The following EVL variants were observed in gnomAD, a reference collection of about 807,000 sequenced individuals.
EVL encodes the protein ena/VASP-like protein.
In EVL, 21 loss-of-function variants were observed where a neutral mutation model predicts 59.6. The ratio of observed to expected loss-of-function variants is 0.35; its 90% confidence interval spans 0.25 to 0.51. The LOEUF (loss-of-function observed/expected upper bound fraction) is 0.51. Ranked by LOEUF, EVL falls within the 20% of genes least tolerant of loss-of-function variation. The probability of loss-of-function intolerance (pLI) is 0.97; values close to 1 mark genes in which losing one functional copy is unlikely to be tolerated. For missense variants in EVL, 462 were observed against 546.6 expected, an observed-to-expected ratio of 0.85 and a Z score of 1.54; for synonymous variants, 198 against 203.5, an observed-to-expected ratio of 0.97 and a Z score of 0.23.
intron 3 of EVL, chr14:100,107,747 GTGTGGTCAAAGGCAAGTT>G (rs900433089): frequency 1.3e-5 from 2 of 155,008 alleles, no homozygotes; most frequent in African/African-American, 4.8e-5. Context: ...ACAGAAGCAT[GTGTGGTCAAAGGCAAGTT>G]TATTTGCAGT....
intron 1 of EVL, among the ~76,000 whole-genome samples, chr14:100,038,250 AGTT>A (rs1363395673): frequency 6.6e-6 from 1 of 152,238 alleles, no homozygotes; most frequent in Non-Finnish European, 1.5e-5. Context: ...AATCTGAAGA[AGTT>A]GTGGCAAGTG....
chr14:100,044,118 G>A (rs1027198534), intron 1 of EVL, among the ~76,000 whole-genome samples: 6 of 152,030 alleles, frequency 3.9e-5, no homozygotes, highest in South Asian at 2.1e-4. Context: ...TCCTTAATCC[G>A]GTCAAGTTGA....
chr14:100,096,501 C>T (rs1885820847), intron 2 of EVL, among the ~76,000 whole-genome samples: 1 of 152,154 alleles, frequency 6.6e-6, no homozygotes, highest in South Asian at 2.1e-4. Flanking sequence ...TCACAACACA[C>T]TGTGAGGGTG....
chr14:100,043,293 ATG>A (rs577559402), intron 1 of EVL, among the ~76,000 whole-genome samples: 109 of 144,476 alleles, frequency 7.5e-4, no homozygotes, highest in Middle Eastern at 3.5e-3. Flanking sequence ...GTGTATATAT[ATG>A]TGTGTGTGTG....
intron 1 of EVL, among the ~76,000 whole-genome samples, chr14:100,074,217 G>A (rs562320566): frequency 1.5e-4 from 23 of 152,328 alleles, no homozygotes; most frequent in African/African-American, 5.3e-4. Flanking sequence ...AGGCCACAGT[G>A]AGGAACCTGC....
chr14:100,088,598 C>T (rs111958443), intron 2 of EVL, among the ~76,000 whole-genome samples: 5,968 of 152,188 alleles, frequency 0.039, 131 homozygotes, highest in African/African-American at 0.044. Context: ...TATAAATATA[C>T]GTGAGCATAG....
intron 1 of EVL, among the ~76,000 whole-genome samples, chr14:99,985,294 A>AG (rs2060832937): frequency 6.6e-6 from 1 of 151,788 alleles, no homozygotes; most frequent in Non-Finnish European, 1.5e-5. Context: ...CATAATTTTT[A>AG]TTTATTATTA....
chr14:100,117,628 A>G (rs536671585), intron 3 of EVL, among the ~76,000 whole-genome samples: 1 of 152,216 alleles, frequency 6.6e-6, no homozygotes, highest in Non-Finnish European at 1.5e-5. Flanking sequence ...AGCTCACAGC[A>G]GGATTCCTAG....
At chr14:100,076,119 G>A (rs756143498) in intron 1 of EVL, among the ~76,000 whole-genome samples, 2 of 152,232 alleles carry the variant, frequency 1.3e-5, no homozygotes, top group African/African-American at 2.4e-5. Context: ...TTGGGCAGGA[G>A]AAATATCTCT....
chr14:100,133,258 C>A (rs1209081219), intron 8 of EVL, among the ~76,000 whole-genome samples: 3 of 152,222 alleles, frequency 2.0e-5, no homozygotes, highest in Non-Finnish European at 4.4e-5. Flanking sequence ...TGGCTCTTGT[C>A]CTTACCAGGC....
At chr14:99,995,951 G>T (rs1476010551) in intron 1 of EVL, among the ~76,000 whole-genome samples, 1 of 152,088 alleles carries the variant, frequency 6.6e-6, no homozygotes, top group African/African-American at 2.4e-5. Flanking sequence ...TCTGTCAGTG[G>T]TACTGCACAC....
intron 1 of EVL, among the ~76,000 whole-genome samples, chr14:100,073,766 C>T (rs1394993819): frequency 6.6e-6 from 1 of 152,178 alleles, no homozygotes; most frequent in Non-Finnish European, 1.5e-5. Context: ...ACATAAAAGC[C>T]AGCAGTTATT....
chr14:100,043,147 C>T lies in EVL; in HGVS notation c.6-41540C>T, dbSNP rs142362520. Among the ~76,000 whole-genome samples, 131 of 152,140 alleles carry T rather than the reference C, an allele frequency of 8.6e-4. No homozygotes were observed. The Middle Eastern group carries it at 0.01, about 12-fold the overall frequency. On this transcript the variant is annotated intron_variant, in intron 1 of 13. Transcript: ENST00000402714. Reference sequence around the variant, plus strand: ...TAGGGTTTTATAGATCACTGAAATCCATCTGAGCACCTCAGGTTAGGAACC... The same window carrying T: ...TAGGGTTTTATAGATCACTGAAATCTATCTGAGCACCTCAGGTTAGGAACC...
intron 1 of EVL, among the ~76,000 whole-genome samples, chr14:100,037,525 A>G (rs2061406195): frequency 6.6e-6 from 1 of 152,206 alleles, no homozygotes; most frequent in South Asian, 2.1e-4. Flanking sequence ...TGCCTTCTAG[A>G]TGATGCACTG....
At chr14:99,989,240 C>T (rs2060860017) in intron 1 of EVL, among the ~76,000 whole-genome samples, 1 of 152,136 alleles carries the variant, frequency 6.6e-6, no homozygotes, top group South Asian at 2.1e-4. Flanking sequence ...TCTCGGTTCC[C>T]TCCTGTCACA....
In EVL at chr14:100,109,665, T is replaced by C. The variant is rs1054636499; in HGVS notation, c.358+12007T>C. The C allele has an allele frequency of 3.9e-5, 21 of 531,652 alleles. No homozygotes were observed. The highest frequency in any genetic ancestry group is 2.9e-4 in the Admixed American group (15 of 51,238). 32.9% of individuals were successfully genotyped at this position (531,652 alleles called of 1,614,324 possible). A position where few individuals can be genotyped will look rare whatever the true frequency, so the allele number is the denominator to read the frequency against. ...TGCTGGCCAACCTGTGAAACTGGGC[T>C]CAAGGTGAGGGGTGCTATCTGTGAT... On this transcript the variant is annotated intron_variant, in intron 3 of 13. Coordinates refer to ENST00000392920, the MANE Select transcript of EVL (RefSeq NM_016337.3). This position sits in a 1 kb window ranked among gnomAD's most constrained non-coding sequence, Gnocchi z 4.3.
chr14:99,997,361 G>A (rs957990513), intron 1 of EVL, among the ~76,000 whole-genome samples: 2 of 152,248 alleles, frequency 1.3e-5, no homozygotes, highest in Non-Finnish European at 2.9e-5. Flanking sequence ...TGCCTGAAGG[G>A]CAGGGAGGCA....
chr14:99,986,805 A>G (rs1397480787), intron 1 of EVL, among the ~76,000 whole-genome samples: 3 of 152,342 alleles, frequency 2.0e-5, no homozygotes, highest in African/African-American at 4.8e-5. Flanking sequence ...AGACAATTCA[A>G]TGGGGGAAAA....
chr14:100,132,911 G>A (rs1022567087), intron 8 of EVL, 132 bp downstream of exon 8: 4 of 1,000,240 alleles, frequency 4.0e-6, no homozygotes, highest in African/African-American at 1.6e-5. Context: ...TTCACAGGAG[G>A]GGCGGAGGGT....
Sources: gnomAD v4.1 joint callset for allele counts (sites outside exome capture counted in the v4.1 genomes callset) on GRCh38, gnomAD v4.1.1 for gene constraint, Gnocchi (gnomAD v3.1) non-coding constraint, MANE v1.5 for transcripts, NCBI Gene and HGNC (gene_info 2026-07-23, HGNC 2026-07-21) for gene names.